TRIM25: variants seen among roughly 807,000 people sequenced by gnomAD.
TRIM25 encodes the protein E3 ubiquitin/ISG15 ligase TRIM25.
Under a neutral mutation model 65.2 loss-of-function variants are expected in TRIM25, and 45 were observed. The ratio of observed to expected loss-of-function variants is 0.69; its 90% confidence interval spans 0.54 to 0.89. The LOEUF (loss-of-function observed/expected upper bound fraction) is 0.89. Ranked by LOEUF, TRIM25 falls within the 40% of genes least tolerant of loss-of-function variation. The pLI, the probability that TRIM25 is intolerant of heterozygous loss-of-function variation, is 0.00. For synonymous variants in TRIM25, 321 were observed against 340.4 expected, an observed-to-expected ratio of 0.94 and a Z score of 0.63; for missense variants, 714 against 803.7, an observed-to-expected ratio of 0.89 and a Z score of 1.35.
intron 3 of TRIM25, among the ~76,000 whole-genome samples, chr17:56,902,645 T>G (rs911178237): frequency 6.6e-6 from 1 of 152,148 alleles, no homozygotes; most frequent in East Asian, 1.9e-4. Context: ...ATGAGACTGC[T>G]GGCACAGGCG....
chr17:56,911,556 G>A (rs1410692817), intron 1 of TRIM25, among the ~76,000 whole-genome samples: 1 of 148,908 alleles, frequency 6.7e-6, no homozygotes, highest in African/African-American at 2.5e-5. Context: ...CTCCAGCCTG[G>A]CGACAGAACA....
chr17:56,896,115 GA>G (rs1909287451), intron 5 of TRIM25, among the ~76,000 whole-genome samples, 163 bp from the exon 6 acceptor site: 1 of 152,188 alleles, frequency 6.6e-6, no homozygotes, highest in Non-Finnish European at 1.5e-5. Flanking sequence ...TATAGTGATA[GA>G]AACCAGCATG....
chr17:56,892,201 G>T lies in TRIM25; in HGVS notation c.1392C>A (p.Asn464Lys). ...EYYIKVILDY[N>K]TAHNKVALSE... The stretch of plus-strand genomic sequence containing the variant: ...ACAGAGCCACTTTGTTGTGGGCGGT[G>T]TTGTAGTCCAGGATGACTTTAATGT... Residue 464 changes from asparagine to lysine, a missense_variant, in exon 9 of 9, where the codon AAC (asparagine) becomes AAA (lysine). Asn to Lys is a moderately conservative substitution (Grantham distance 94). Coordinates refer to ENST00000316881, the MANE Select transcript of TRIM25 (RefSeq NM_005082.5). 1.2e-6 allele frequency: 2 copies of T among 1,605,800 alleles called. No individual in the cohort carries two copies. The highest frequency in any genetic ancestry group is 1.7e-6 in the Non-Finnish European group (2 of 1,173,636).
intron 8 of TRIM25, among the ~76,000 whole-genome samples, chr17:56,894,389 T>C (rs1172770178): frequency 2.0e-5 from 3 of 152,144 alleles, no homozygotes; most frequent in East Asian, 1.9e-4. Flanking sequence ...GCTGGGATTA[T>C]AGGCATGTGC....
At chr17:56,893,090 C>T (rs1275015740) in intron 8 of TRIM25, among the ~76,000 whole-genome samples, 1 of 152,138 alleles carries the variant, frequency 6.6e-6, no homozygotes, top group Non-Finnish European at 1.5e-5. Flanking sequence ...AGGGGATTCG[C>T]ATGTGCTGGG....
At position 56,891,819 on chromosome 17, in the gene TRIM25, C is replaced by T. The variant is rs201575267; in HGVS notation, c.1774G>A (p.Ala592Thr). 1.1e-5 allele frequency: 17 copies of T among 1,614,224 alleles called. 1 individual carries two copies. Among genetic ancestry groups the T allele is most frequent in the East Asian group, 2.2e-5 (1 of 44,888 alleles). Reference protein sequence around the residue: ...NCDHGFVIFFAVADKVHLMYK... With the variant: ...NCDHGFVIFFTVADKVHLMYK... ...ATCAGGTGGACCTTGTCGGCAACAG[C>T]GAAGAAGATGACAAAGCCGTGGTCA... Residue 592 changes from alanine to threonine, a missense_variant, in exon 9 of 9, where the codon GCT becomes ACT. Around this residue, in one of 3 missense-constraint regions of TRIM25, gnomAD observed 413 missense variants for 498.2 expected, o/e 0.83. Transcript: ENST00000316881.
At chr17:56,901,073 T>C (rs1909400230) in intron 4 of TRIM25, among the ~76,000 whole-genome samples, 3 of 151,966 alleles carry the variant, frequency 2.0e-5, no homozygotes, top group Admixed American at 2.0e-4. Context: ...GAATTCTAGA[T>C]TTCTCCCCCA....
rs189136751 is a variant in TRIM25, at chr17:56,902,171, T to C, written c.928-593A>G. Reference sequence around the variant, plus strand: ...AACAGACAGGAATGAACACTTGGGATGAAACTTAACGCCATCCAGACTAGG... The same window carrying C: ...AACAGACAGGAATGAACACTTGGGACGAAACTTAACGCCATCCAGACTAGG... On this transcript the variant is annotated intron_variant, in intron 3 of 8. Transcript: ENST00000316881. 3.0e-3 allele frequency among the ~76,000 whole-genome samples: 460 copies of C among 152,292 alleles called. 3 individuals carry two copies. The highest frequency in any genetic ancestry group is 0.01 in the African/African-American group (436 of 41,546).
At chr17:56,904,993 AC>A (rs1909491438) in intron 2 of TRIM25, among the ~76,000 whole-genome samples, 1 of 152,362 alleles carries the variant, frequency 6.6e-6, no homozygotes, top group African/African-American at 2.4e-5. Context: ...GCACAAAGAA[AC>A]GCATGGGAAT....
rs374799982 is a variant in TRIM25, at chr17:56,891,828, T to C, written c.1765A>G (p.Ile589Val). ...ACCTTGTCGGCAACAGCGAAGAAGA[T>C]GACAAAGCCGTGGTCACAGTTGAGA... ...VLLNCDHGFV[I>V]FFAVADKVHL... The change falls in exon 9 of 9, where the codon ATC (isoleucine) becomes GTC (valine). Residue 589 changes from isoleucine (I) to valine (V), a missense_variant. Ile to Val is a conservative substitution (Grantham distance 29). Around this residue, in one of 3 missense-constraint regions of TRIM25, gnomAD observed 413 missense variants for 498.2 expected, o/e 0.83. Transcript: ENST00000316881. 1 of 1,614,204 alleles carries C rather than the reference T, an allele frequency of 6.2e-7. No homozygotes were observed. The highest frequency in any genetic ancestry group is 8.5e-7 in the Non-Finnish European group (1 of 1,180,012).
chr17:56,894,257 T>C (rs1206180995), intron 8 of TRIM25, among the ~76,000 whole-genome samples: 1 of 152,164 alleles, frequency 6.6e-6, no homozygotes, highest in Non-Finnish European at 1.5e-5. Flanking sequence ...TGTTTGTTTG[T>C]TTGTTTTTTA....
chr17:56,912,766 G>T (rs1461141338), intron 1 of TRIM25: 1 of 152,130 alleles, frequency 6.6e-6, no homozygotes, highest in Non-Finnish European at 1.5e-5. Context: ...CACCTCCTGG[G>T]TGCCACCAGG....
At chr17:56,908,343 G>A in intron 2 of TRIM25, 125 bp downstream of exon 2, 2 of 938,844 alleles carry the variant, frequency 2.1e-6, no homozygotes, top group Non-Finnish European at 3.3e-6. Flanking sequence ...CAAGGTTGAT[G>A]TTTCATCCTG....
In TRIM25 at chr17:56,892,321, T is replaced by C. The variant is rs1023070861; in HGVS notation, c.1364-92A>G. ...AAGTGGTACTATTTATTCACTAGTTTTATCCATCCATGCACCCATCTACCC... is the reference window on the plus strand; with the variant it reads ...AAGTGGTACTATTTATTCACTAGTTCTATCCATCCATGCACCCATCTACCC... On this transcript the variant is annotated intron_variant, in intron 8 of 8. Transcript: ENST00000316881. 18 of 1,427,572 alleles carry C rather than the reference T, an allele frequency of 1.3e-5. No homozygotes were observed. In the African/African-American group the frequency reaches 2.0e-4, roughly 16 times the overall value. 88.4% of individuals were successfully genotyped at this position (1,427,572 alleles called of 1,614,324 possible). A position where few individuals can be genotyped will look rare whatever the true frequency, so the allele number is the denominator to read the frequency against.
At chr17:56,910,378 A>G (rs1598079909) in intron 1 of TRIM25, among the ~76,000 whole-genome samples, 1 of 152,294 alleles carries the variant, frequency 6.6e-6, no homozygotes, top group Admixed American at 6.5e-5. Context: ...TGATGTTTCA[A>G]ACTTGACCTC....
chr17:56,906,114 TG>T (rs1302034508), intron 2 of TRIM25, among the ~76,000 whole-genome samples: 1 of 152,288 alleles, frequency 6.6e-6, no homozygotes, highest in African/African-American at 2.4e-5. Flanking sequence ...ATAGCTGCTA[TG>T]GTTTGAATGT....
intron 5 of TRIM25, among the ~76,000 whole-genome samples, chr17:56,896,452 G>A (rs1909295568): frequency 6.9e-6 from 1 of 145,004 alleles, no homozygotes; most frequent in African/African-American, 2.6e-5. Context: ...TCAAGCGTTA[G>A]AAACTAGCAT....
intron 2 of TRIM25, among the ~76,000 whole-genome samples, chr17:56,905,539 T>C (rs1217524186): frequency 6.6e-6 from 1 of 152,144 alleles, no homozygotes; most frequent in East Asian, 1.9e-4. Flanking sequence ...GAGTGTAAAA[T>C]ACATACTGGC....
Position 56,891,906 on chromosome 17 carries a change from T to C in TRIM25, c.1687A>G (p.Asn563Asp). Reference protein sequence around the residue: ...WFNTKISAWHNNVEKTLPSTK... With the variant: ...WFNTKISAWHDNVEKTLPSTK... ...GAGGGCAGGGTTTTCTCCACGTTATTGTGCCAGGCAGAGATCTTGGTGTTG... is the reference window on the plus strand; with the variant it reads ...GAGGGCAGGGTTTTCTCCACGTTATCGTGCCAGGCAGAGATCTTGGTGTTG... The change falls in exon 9 of 9, where the codon AAT becomes GAT. Residue 563 changes from asparagine to aspartate, a missense_variant. Around this residue, in one of 3 missense-constraint regions of TRIM25, gnomAD observed 413 missense variants for 498.2 expected, o/e 0.83. Transcript: ENST00000316881. 1 of 1,614,218 alleles carries C rather than the reference T, an allele frequency of 6.2e-7. No individual in the cohort carries two copies. The highest frequency in any genetic ancestry group is 8.5e-7 in the Non-Finnish European group (1 of 1,180,038).
Sources: gnomAD v4.1 joint callset for allele counts (sites outside exome capture counted in the v4.1 genomes callset) on GRCh38, gnomAD v4.1.1 for gene constraint, gnomAD v4.1.1 regional missense constraint, MANE v1.5 for transcripts, NCBI Gene and HGNC (gene_info 2026-07-23, HGNC 2026-07-21) for gene names.